The following PCDH7 variants were observed in gnomAD, a reference collection of about 807,000 sequenced individuals.
The protein encoded by PCDH7 is protocadherin-7.
Under a neutral mutation model 58.9 loss-of-function variants are expected in PCDH7, and 17 were observed. The observed-to-expected ratio is 0.29, with a 90% CI of 0.20 to 0.43. The LOEUF is 0.43. Ranked by LOEUF, PCDH7 falls within the 20% of genes least tolerant of loss-of-function variation. The pLI is 1.00. For missense variants in PCDH7, 1,274 were observed against 1,441.0 expected (o/e 0.88, Z 1.88); for synonymous variants, 664 against 616.4 (o/e 1.08, Z -1.14).
At chr4:31,046,927 G>T (rs73216799) in intron 3 of PCDH7, among the ~76,000 whole-genome samples, 10,123 of 151,986 alleles carry the variant, frequency 0.067, 468 homozygotes, top group Middle Eastern at 0.11. Flanking sequence ...TGCAAAGAGG[G>T]ATTGTTTATT....
chr4:30,721,939 G>A lies in PCDH7; in HGVS notation c.517G>A (p.Gly173Ser), dbSNP rs1454972341. The change falls in exon 1 of 2, where the codon GGC becomes AGC. Residue 173 changes from glycine (G) to serine (S), a missense_variant. Around this residue, in one of 3 missense-constraint regions of PCDH7, gnomAD observed 212 missense variants for 255.8 expected, o/e 0.83. Transcript: ENST00000361762. The surrounding 1 kb of genome is among the most constrained non-coding windows in gnomAD (Gnocchi z 6.7). ...GCCCACAGCCACCGACCGCGACTTCGGCCGCAACGGCATCGAGCGCTACGA... is the reference window on the plus strand; with the variant it reads ...GCCCACAGCCACCGACCGCGACTTCAGCCGCAACGGCATCGAGCGCTACGA... 4.5e-6 allele frequency: 7 copies of A among 1,559,198 alleles called. No homozygotes were observed. The highest frequency in any genetic ancestry group is 1.7e-4 in the Middle Eastern group (1 of 5,986).
intron 1 of PCDH7, among the ~76,000 whole-genome samples, chr4:30,837,358 AAT>A (rs1730615279): frequency 6.6e-6 from 1 of 151,994 alleles, no homozygotes; most frequent in African/African-American, 2.4e-5. Flanking sequence ...GCAGAGAGAG[AAT>A]GATTAATGTA....
At chr4:30,977,944 G>C (rs1020083123) in intron 3 of PCDH7, among the ~76,000 whole-genome samples, 2 of 152,190 alleles carry the variant, frequency 1.3e-5, no homozygotes, top group African/African-American at 4.8e-5. Flanking sequence ...TAGTGATGCA[G>C]AGATGCATGC....
chr4:31,043,627 G>T (rs1224605763), intron 3 of PCDH7, among the ~76,000 whole-genome samples: 1 of 151,986 alleles, frequency 6.6e-6, no homozygotes, highest in East Asian at 1.9e-4. Flanking sequence ...ACTTTTTAAT[G>T]GGGTTTTTTG....
intron 2 of PCDH7, among the ~76,000 whole-genome samples, chr4:30,927,534 A>T (rs1466210035): frequency 1.3e-5 from 2 of 151,736 alleles, no homozygotes; most frequent in African/African-American, 4.8e-5. Context: ...CTGCCTTGGG[A>T]TCCTGTTGAT....
chr4:31,032,656 G>GAGGGAGGA (rs1553929065), intron 3 of PCDH7, among the ~76,000 whole-genome samples: 1 of 92,250 alleles, frequency 1.1e-5, no homozygotes, highest in Non-Finnish European at 2.0e-5. Context: ...GAGAGAGAGA[G>GAGGGAGGA]AGGAAGGAAG....
intron 3 of PCDH7, among the ~76,000 whole-genome samples, chr4:31,059,535 T>A (rs1444730391): frequency 6.6e-6 from 1 of 151,812 alleles, no homozygotes; most frequent in Non-Finnish European, 1.5e-5. Flanking sequence ...CCATGTCACT[T>A]CAGTGTTGTT....
At chr4:30,777,366 A>C (rs2109284883) in intron 1 of PCDH7, among the ~76,000 whole-genome samples, 1 of 152,328 alleles carries the variant, frequency 6.6e-6, no homozygotes, top group East Asian at 1.9e-4. Flanking sequence ...GGATGAATTA[A>C]AAGCTCAAAC....
intron 1 of PCDH7, among the ~76,000 whole-genome samples, chr4:30,809,761 C>T (rs184777636): frequency 5.9e-5 from 9 of 152,146 alleles, no homozygotes; most frequent in Non-Finnish European, 8.8e-5. Flanking sequence ...CAGATTTTTC[C>T]GTTTCCTTTT....
chr4:30,980,705 G>A (rs1261121749), intron 3 of PCDH7, among the ~76,000 whole-genome samples: 1 of 151,970 alleles, frequency 6.6e-6, no homozygotes, highest in African/African-American at 2.4e-5. Context: ...AACAATTTCT[G>A]TCTTTTCAAA....
intron 3 of PCDH7, among the ~76,000 whole-genome samples, chr4:30,997,654 A>AT (rs1752022293): frequency 2.0e-5 from 3 of 151,942 alleles, no homozygotes; most frequent in Admixed American, 1.3e-4. Context: ...TGCCTACACA[A>AT]TTTTTTTTCC....
chr4:30,993,593 A>G (rs1246972769), intron 3 of PCDH7, among the ~76,000 whole-genome samples: 1 of 152,216 alleles, frequency 6.6e-6, no homozygotes, highest in Non-Finnish European at 1.5e-5. Context: ...GGCATTAGAT[A>G]CGCTGTCATT....
At chr4:30,849,305 C>T (rs1270760747) in intron 1 of PCDH7, among the ~76,000 whole-genome samples, 2 of 152,104 alleles carry the variant, frequency 1.3e-5, no homozygotes, top group Admixed American at 1.3e-4. Flanking sequence ...AGCTCAACTA[C>T]CTTAAAGTTG....
intron 3 of PCDH7, among the ~76,000 whole-genome samples, chr4:31,014,444 GAC>G (rs1268739085): frequency 6.6e-6 from 1 of 152,100 alleles, no homozygotes; most frequent in African/African-American, 2.4e-5. Context: ...AGGAAAGAAA[GAC>G]AGGAATGTAC....
At chr4:30,920,908 A>G (rs1049844977) in intron 2 of PCDH7, among the ~76,000 whole-genome samples, 11 of 152,278 alleles carry the variant, frequency 7.2e-5, no homozygotes, top group Middle Eastern at 3.4e-3. Context: ...AATAAATGCT[A>G]TTAGAATTTC....
intron 1 of PCDH7, among the ~76,000 whole-genome samples, chr4:30,774,246 C>A (rs1392361098): frequency 6.6e-6 from 1 of 152,124 alleles, no homozygotes; most frequent in African/African-American, 2.4e-5. Flanking sequence ...TCTCTGTACC[C>A]TTCCTTTGCA....
chr4:30,744,919 A>G (rs539147320), intron 1 of PCDH7, among the ~76,000 whole-genome samples: 2 of 152,328 alleles, frequency 1.3e-5, no homozygotes, highest in African/African-American at 4.8e-5. Flanking sequence ...ATTTTGACCA[A>G]AACTGAACTT....
At chr4:31,128,532 A>G (rs1461200037) in intron 3 of PCDH7, among the ~76,000 whole-genome samples, 1 of 152,196 alleles carries the variant, frequency 6.6e-6, no homozygotes, top group African/African-American at 2.4e-5. Context: ...GCATGAGACA[A>G]TAATAAATAT....
intron 2 of PCDH7, among the ~76,000 whole-genome samples, chr4:30,923,816 A>G (rs1353876973): frequency 6.6e-6 from 1 of 152,158 alleles, no homozygotes; most frequent in Non-Finnish European, 1.5e-5. Context: ...TATCAATCTA[A>G]TCAAAGATTG....
Sources: allele counts gnomAD v4.1 joint callset (sites outside exome capture counted in the v4.1 genomes callset), GRCh38; gene constraint gnomAD v4.1.1; regional missense constraint gnomAD v4.1.1; non-coding constraint Gnocchi (gnomAD v3.1); transcripts MANE v1.5; gene names NCBI Gene and HGNC (gene_info 2026-07-23, HGNC 2026-07-21).